Variants in MBTD1 observed in about 807,000 individuals in gnomAD.
MBTD1 encodes MBT domain-containing protein 1.
In MBTD1, 24 loss-of-function variants were observed where a neutral mutation model predicts 87.8. That is an observed-to-expected ratio of 0.27 (90% CI 0.20 to 0.38). The LOEUF is 0.38. Ranked by LOEUF, MBTD1 falls within the 10% of genes least tolerant of loss-of-function variation. The pLI is 1.00. For missense variants in MBTD1, 436 were observed against 760.2 expected, an observed-to-expected ratio of 0.57 and a Z score of 5.02; for synonymous variants, 237 against 248.6, an observed-to-expected ratio of 0.95 and a Z score of 0.44.
chr17:51,212,405 C>G (rs1310795646), intron 6 of MBTD1, among the ~76,000 whole-genome samples: 1 of 148,212 alleles, frequency 6.7e-6, no homozygotes. Context: ...ATAAACTCAG[C>G]TGAAAAGTTT....
At chr17:51,222,739 T>C (rs1485651603) in intron 3 of MBTD1, among the ~76,000 whole-genome samples, 1 of 152,050 alleles carries the variant, frequency 6.6e-6, no homozygotes, top group East Asian at 1.9e-4. Context: ...CCAAACCCAG[T>C]GAATCCTGAT....
intron 2 of MBTD1, among the ~76,000 whole-genome samples, chr17:51,232,678 G>C (rs2053609282): frequency 6.6e-6 from 1 of 152,000 alleles, no homozygotes; most frequent in African/African-American, 2.4e-5. Context: ...TCTTAAAGGA[G>C]TGAGTATGGA....
At chr17:51,225,252 T>C (rs2053143871) in intron 2 of MBTD1, 43 bp from the exon 3 acceptor site, 1 of 1,114,988 alleles carries the variant, frequency 9.0e-7, no homozygotes, top group South Asian at 2.2e-5. Flanking sequence ...ACAACACTCA[T>C]ACACACCCCC....
rs552888516 is a variant in MBTD1 at position 51,239,897 on chromosome 17, C to CT, written c.-48-14689dup. ...CAAGAAATTTAACATTAACCCAATA[C>CT]TTTCATCTGATCTACCATCCGTCCT... is the stretch of plus-strand genomic sequence containing the variant. On this transcript the variant is annotated intron_variant, in intron 2 of 16. Transcript: ENST00000586178. Among the ~76,000 whole-genome samples the CT allele has an allele frequency of 1.7e-4, 26 of 152,276 alleles. No homozygotes were observed. The East Asian group carries it at 3.7e-3, about 21-fold the overall frequency.
intron 2 of MBTD1, among the ~76,000 whole-genome samples, chr17:51,227,993 T>C (rs1308644699): frequency 6.6e-6 from 1 of 152,116 alleles, no homozygotes; most frequent in Non-Finnish European, 1.5e-5. Flanking sequence ...TTTACAATTT[T>C]AAGATGGCAA....
At chr17:51,194,946 T>C (rs2051013826) in intron 13 of MBTD1, among the ~76,000 whole-genome samples, 1 of 152,148 alleles carries the variant, frequency 6.6e-6, no homozygotes. Context: ...CCTACATTAC[T>C]GACTCAACAG....
In MBTD1 at chr17:51,179,983, T is replaced by C. The variant is rs910720668; in HGVS notation, c.*593A>G. 1 of 152,124 alleles carries C rather than the reference T, an allele frequency of 6.6e-6. No individual in the cohort carries two copies. The highest frequency in any genetic ancestry group is 1.5e-5 in the Non-Finnish European group (1 of 68,012). The allele number at this position is 152,124 out of a possible 1,614,324, so 9.4% of individuals were successfully genotyped here. ...GAACTCCAAATAAATTTTCACAGAA[T>C]GAAAAATATTTCTGTACAAACATTT... On this transcript the variant is annotated 3_prime_UTR_variant, in exon 17 of 17. Coordinates refer to ENST00000586178, the MANE Select transcript of MBTD1 (RefSeq NM_017643.3).
At chr17:51,187,598 C>T (rs868011003) in intron 16 of MBTD1, among the ~76,000 whole-genome samples, 13 of 151,910 alleles carry the variant, frequency 8.6e-5, no homozygotes, top group African/African-American at 2.4e-4. Flanking sequence ...ACCTATGATC[C>T]CAGCACTTTG....
At chr17:51,211,553 T>TC (rs2052220104) in intron 6 of MBTD1, among the ~76,000 whole-genome samples, 1 of 149,576 alleles carries the variant, frequency 6.7e-6, no homozygotes, top group Non-Finnish European at 1.5e-5. Flanking sequence ...TATGTTAGAG[T>TC]CCACTGCTTT....
At chr17:51,230,054 C>T (rs2053465274) in intron 2 of MBTD1, among the ~76,000 whole-genome samples, 1 of 152,204 alleles carries the variant, frequency 6.6e-6, no homozygotes, top group Admixed American at 6.5e-5. Context: ...TTCCCTGCAT[C>T]AGTCTTCCCT....
Position 51,180,626 on chromosome 17 carries a change from C to G in MBTD1, c.1837G>C (p.Asp613His). ...EDYNFLQGAS[D>H]QESNGSANFY... Reference sequence around the variant, plus strand: ...TTGGCAGAGCCATTGCTTTCCTGATCAGACGCTCCTTGAAGGAAATTATAA... The same window carrying G: ...TTGGCAGAGCCATTGCTTTCCTGATGAGACGCTCCTTGAAGGAAATTATAA... The change falls in exon 17 of 17, where the codon GAT becomes CAT. Residue 613 changes from aspartate (D) to histidine (H), a missense_variant. Transcript: ENST00000586178. 1 of 1,551,868 alleles carries G rather than the reference C, an allele frequency of 6.4e-7. No homozygotes were observed. The highest frequency in any genetic ancestry group is 8.7e-7 in the Non-Finnish European group (1 of 1,146,916).
intron 13 of MBTD1, among the ~76,000 whole-genome samples, chr17:51,194,901 A>G (rs2051011042): frequency 6.6e-6 from 1 of 152,132 alleles, no homozygotes; most frequent in South Asian, 2.1e-4. Context: ...ATTGGGAAAA[A>G]AAGAAAAAAA....
intron 2 of MBTD1, among the ~76,000 whole-genome samples, chr17:51,234,251 G>C (rs918093374): frequency 1.3e-5 from 2 of 151,696 alleles, no homozygotes; most frequent in African/African-American, 4.9e-5. Flanking sequence ...ATACTAGCTG[G>C]GTGTAGTGGC....
rs1568135612 is a variant in MBTD1 at position 51,179,492 on chromosome 17, A to ATATATATATATATATTTATATT, written c.*1083_*1084insAATATAAATATATATATATATA. The ATATATATATATATATTTATATT allele has an allele frequency of 1.1e-3, 34 of 30,960 alleles. 1 individual carries two copies. The highest frequency in any genetic ancestry group is 1.7e-3 in the Non-Finnish European group (26 of 15,028). 1.9% of individuals were successfully genotyped at this position (30,960 alleles called of 1,614,324 possible). On this transcript the variant is annotated 3_prime_UTR_variant, in exon 17 of 17. Transcript: ENST00000586178. Reference sequence around the variant, plus strand: ...TACAATTAAAGACAATTTTATATATATATATATATATATATATATATATAT... The same window carrying ATATATATATATATATTTATATT: ...TACAATTAAAGACAATTTTATATATATATATATATATATATTTATATTTATATATATATATATATATATATAT...
At position 51,203,752 on chromosome 17, in the gene MBTD1, A is replaced by T. The variant is rs556936299; in HGVS notation, c.739+39T>A. 18 of 1,578,988 alleles carry T rather than the reference A, an allele frequency of 1.1e-5. 1 individual carries two copies. The highest frequency in any genetic ancestry group is 1.1e-4 in the African/African-American group (8 of 73,232). On this transcript the variant is annotated intron_variant, in intron 8 of 16. Transcript: ENST00000586178. ...TGTGTAAAATAGCATTAAAGTACAC[A>T]TATAAAAAAATTACGGTAAGGGTAA...
intron 15 of MBTD1, 150 bp from the exon 16 acceptor site, chr17:51,192,430 A>C (rs1428143856): frequency 3.1e-6 from 2 of 654,406 alleles, no homozygotes; most frequent in Middle Eastern, 4.2e-4. Flanking sequence ...TTGTTCCTAC[A>C]AAACCATAGC....
At chr17:51,188,280 A>G (rs746414466) in intron 16 of MBTD1, among the ~76,000 whole-genome samples, 4 of 152,226 alleles carry the variant, frequency 2.6e-5, no homozygotes, top group Admixed American at 2.0e-4. Context: ...GAGAGTGTCT[A>G]TGATCCTTCT....
intron 2 of MBTD1, among the ~76,000 whole-genome samples, chr17:51,225,428 TG>T (rs2053156413): frequency 6.6e-6 from 1 of 151,482 alleles, no homozygotes; most frequent in Non-Finnish European, 1.5e-5. Flanking sequence ...CTTCGGTCAC[TG>T]CAACCTCCAC....
intron 16 of MBTD1, among the ~76,000 whole-genome samples, chr17:51,187,165 G>A (rs1405686945): frequency 6.6e-6 from 1 of 152,146 alleles, no homozygotes; most frequent in African/African-American, 2.4e-5. Context: ...GCTTATGCCT[G>A]TAATCCCAGC....
Sources: gnomAD v4.1 joint callset for allele counts (sites outside exome capture counted in the v4.1 genomes callset) on GRCh38, gnomAD v4.1.1 for gene constraint, MANE v1.5 for transcripts, NCBI Gene and HGNC (gene_info 2026-07-23, HGNC 2026-07-21) for gene names.